ADAP1: variants seen among roughly 807,000 people sequenced by gnomAD.
ADAP1 encodes arf-GAP with dual PH domain-containing protein 1.
Under a neutral mutation model 54.9 loss-of-function variants are expected in ADAP1, and 31 were observed. The observed-to-expected ratio is 0.56, with a 90% CI of 0.42 to 0.76. The LOEUF (loss-of-function observed/expected upper bound fraction) is 0.76, where lower values mean the gene tolerates loss of function less well. Ranked by LOEUF, ADAP1 falls within the 30% of genes least tolerant of loss-of-function variation. The probability of loss-of-function intolerance (pLI) is 0.00; values close to 1 mark genes in which losing one functional copy is unlikely to be tolerated. For synonymous variants in ADAP1, 313 were observed against 202.6 expected (o/e 1.55, Z -4.63); for missense variants, 535 against 512.4 (o/e 1.04, Z -0.42).
At chr7:951,244 G>T in intron 1 of ADAP1, among the ~76,000 whole-genome samples, 1 of 151,970 alleles carries the variant, frequency 6.6e-6, no homozygotes, top group Non-Finnish European at 1.5e-5. Context: ...GTGGTGGCGG[G>T]TGCCTGTAGT....
chr7:908,718 G>A (rs1360213017), intron 4 of ADAP1, among the ~76,000 whole-genome samples: 2 of 152,208 alleles, frequency 1.3e-5, no homozygotes, highest in African/African-American at 4.8e-5. Context: ...GAGGGTGGAC[G>A]CCGAGAAGTG....
At chr7:941,438 G>A (rs1846936623) in intron 1 of ADAP1, among the ~76,000 whole-genome samples, 1 of 152,072 alleles carries the variant, frequency 6.6e-6, no homozygotes, top group African/African-American at 2.4e-5. Context: ...ACAACTATGA[G>A]AACTAACAAG....
intron 6 of ADAP1, among the ~76,000 whole-genome samples, chr7:903,701 C>G (rs1844937149): frequency 6.6e-6 from 1 of 152,142 alleles, no homozygotes; most frequent in African/African-American, 2.4e-5. Flanking sequence ...AGGAACCCTA[C>G]CCAAACCACC....
chr7:954,802 GC>G, upstream of ADAP1: 1 of 795,898 alleles, frequency 1.3e-6, no homozygotes, highest in Middle Eastern at 6.4e-4. Context: ...CAGCCCGCGC[GC>G]CCCGGGGACC....
chr7:906,776 AGGGGACACGGGGGACG>A (rs1845463499), intron 4 of ADAP1, among the ~76,000 whole-genome samples: 3 of 21,080 alleles, frequency 1.4e-4, no homozygotes, highest in Admixed American at 4.6e-4. Context: ...CATGGGGGAC[AGGGGACACGGGGGACG>A]GGACAGGGGA....
intron 5 of ADAP1, 100 bp from the exon 6 acceptor site, chr7:904,372 T>TGCTGTGTG: frequency 6.9e-7 from 1 of 1,444,668 alleles, no homozygotes; most frequent in Non-Finnish European, 9.2e-7. Context: ...GCACCTGCTG[T>TGCTGTGTG]GCTGTGTGGC....
intron 4 of ADAP1, among the ~76,000 whole-genome samples, chr7:915,376 C>G (rs986963214): frequency 2.0e-5 from 3 of 152,228 alleles, no homozygotes; most frequent in Non-Finnish European, 4.4e-5. Context: ...ACAGCCCATG[C>G]GGCCTGGTCT....
chr7:920,055 G>T lies in ADAP1; in HGVS notation c.306-5C>A. 1 of 1,604,388 alleles carries T rather than the reference G, an allele frequency of 6.2e-7. No individual in the cohort carries two copies. The highest frequency in any genetic ancestry group is 8.5e-7 in the Non-Finnish European group (1 of 1,179,242). ...ATCCACTGCTCTCGAAGGAGCCTGT[G>T]GGGAGAGGAGAGACTGAGCCACTGG... On this transcript the variant is annotated splice_region_variant and splice_polypyrimidine_tract_variant and intron_variant, in intron 3 of 10. Transcript: ENST00000265846. The surrounding 1 kb of genome is among the most constrained non-coding windows in gnomAD (Gnocchi z 4.5).
At chr7:910,439 TG>T (rs1186716665) in intron 4 of ADAP1, among the ~76,000 whole-genome samples, 1 of 152,064 alleles carries the variant, frequency 6.6e-6, no homozygotes, top group Non-Finnish European at 1.5e-5. Context: ...TTTGTAGAGA[TG>T]GGAGCTCACT....
At chr7:917,985 C>T (rs568771832) in intron 4 of ADAP1, among the ~76,000 whole-genome samples, 3 of 152,218 alleles carry the variant, frequency 2.0e-5, no homozygotes, top group South Asian at 2.1e-4. Flanking sequence ...CATGGGGTTT[C>T]GCCACGTTGC....
chr7:930,979 CAAA>C (rs545321889), intron 2 of ADAP1, among the ~76,000 whole-genome samples: 1 of 83,332 alleles, frequency 1.2e-5, no homozygotes, highest in Non-Finnish European at 2.5e-5. Flanking sequence ...GACTGTGTCT[CAAA>C]AAAAAAAAAA....
At chr7:901,483 C>A in intron 6 of ADAP1, 1 of 171,188 alleles carries the variant, frequency 5.8e-6, no homozygotes, top group Non-Finnish European at 1.3e-5. Flanking sequence ...GACTTTTGTC[C>A]CACAGGCAAA....
intron 4 of ADAP1, among the ~76,000 whole-genome samples, chr7:916,777 G>A (rs1845950605): frequency 6.6e-6 from 1 of 151,938 alleles, no homozygotes; most frequent in African/African-American, 2.4e-5. Flanking sequence ...GAGCTGCCCT[G>A]GAGGAGGGCA....
chr7:927,779 G>T (rs1033370352), intron 2 of ADAP1, among the ~76,000 whole-genome samples: 2 of 152,184 alleles, frequency 1.3e-5, no homozygotes, highest in African/African-American at 4.8e-5. Context: ...TGCTCCCGAG[G>T]ACGAGAGCCT....
At chr7:918,435 G>C (rs1846021888) in intron 4 of ADAP1, among the ~76,000 whole-genome samples, 1 of 152,116 alleles carries the variant, frequency 6.6e-6, no homozygotes, top group Non-Finnish European at 1.5e-5. Context: ...AGGCTTGTTT[G>C]ACCACCAGTG....
rs1235361011 is a variant in ADAP1 at position 905,093 on chromosome 7, T to C, written c.468A>G (p.Arg156=). 2 of 1,612,186 alleles carry C rather than the reference T, an allele frequency of 1.2e-6. No homozygotes were observed. Among genetic ancestry groups the C allele is most frequent in the African/African-American group, 2.7e-5 (2 of 74,940 alleles). The change falls in exon 5 of 11, where the codon CGA becomes CGG. Residue 156 remains arginine, a synonymous_variant. Transcript: ENST00000265846. ...FLSRKFVLTE[R]EGALKYFNRN... ...TGTTGAAATACTTCAGAGCACCCTCTCGTTCTGTCAGCACAAACTTCCGGC... is the reference window on the plus strand; with the variant it reads ...TGTTGAAATACTTCAGAGCACCCTCCCGTTCTGTCAGCACAAACTTCCGGC...
At chr7:918,569 G>A (rs1846028576) in intron 4 of ADAP1, among the ~76,000 whole-genome samples, 1 of 152,176 alleles carries the variant, frequency 6.6e-6, no homozygotes, top group Non-Finnish European at 1.5e-5. Context: ...CAGTGCTGGG[G>A]TTGCAGGTCC....
chr7:935,671 T>TCCC lies in ADAP1; in HGVS notation c.83-169_83-167dup, dbSNP rs3215362. On this transcript the variant is annotated intron_variant, in intron 1 of 10. Transcript: ENST00000265846. ...CGCCCCACAGGCACCTAACCCCAGC[T>TCCC]CCCCCCCCGCCCTCTGCCCGGTGCA... Among the ~76,000 whole-genome samples the TCCC allele has an allele frequency of 8.3e-3, 1,221 of 146,316 alleles. 50 individuals carry two copies. In the East Asian group the frequency reaches 0.13, roughly 16 times the overall value.
intron 4 of ADAP1, among the ~76,000 whole-genome samples, chr7:915,977 G>A (rs574411315): frequency 1.3e-5 from 2 of 152,184 alleles, no homozygotes; most frequent in East Asian, 3.9e-4. Flanking sequence ...CACTGCCCAC[G>A]AGACACTGTC....
Sources: allele counts gnomAD v4.1 joint callset (sites outside exome capture counted in the v4.1 genomes callset), GRCh38; gene constraint gnomAD v4.1.1; non-coding constraint Gnocchi (gnomAD v3.1); transcripts MANE v1.5; gene names NCBI Gene and HGNC (gene_info 2026-07-23, HGNC 2026-07-21).